Variants in ATOSA observed in about 807,000 individuals in gnomAD.
ATOSA encodes atos homolog A, also known as atos homolog protein A.
the ATOSA span, among the ~76,000 whole-genome samples, chr15:52,653,466 C>G: frequency 6.6e-6 from 1 of 152,094 alleles, no homozygotes; most frequent in African/African-American, 2.4e-5. Context: ...AGAGGGAGAG[C>G]TGCTAAGCCC....
the ATOSA span, among the ~76,000 whole-genome samples, chr15:52,663,168 C>T: frequency 9.9e-5 from 15 of 152,142 alleles, no homozygotes; most frequent in African/African-American, 3.6e-4. Context: ...TCCCTCTGAT[C>T]AGAATGTCCT....
chr15:52,648,482 TTCTTC>T, the ATOSA span, among the ~76,000 whole-genome samples: 1 of 152,286 alleles, frequency 6.6e-6, no homozygotes, highest in Middle Eastern at 3.4e-3. Context: ...AACATTACAA[TTCTTC>T]TCTTCTAGGT....
At chr15:52,691,304 C>G in the ATOSA span, among the ~76,000 whole-genome samples, 4 of 152,154 alleles carry the variant, frequency 2.6e-5, no homozygotes, top group Non-Finnish European at 5.9e-5. Flanking sequence ...TCATTGGTTG[C>G]TATAGTACTG....
chr15:52,618,218 T>C, the ATOSA span, among the ~76,000 whole-genome samples: 1 of 152,116 alleles, frequency 6.6e-6, no homozygotes, highest in Non-Finnish European at 1.5e-5. Flanking sequence ...TTTTTGTATT[T>C]TTAGTAGAGA....
chr15:52,592,825 T>C, the ATOSA span, among the ~76,000 whole-genome samples: 3 of 152,148 alleles, frequency 2.0e-5, no homozygotes, highest in African/African-American at 7.2e-5. Context: ...GACATTAGCG[T>C]GAGTCTGAAG....
At chr15:52,608,049 T>TTTTA in the ATOSA span, among the ~76,000 whole-genome samples, 1 of 152,158 alleles carries the variant, frequency 6.6e-6, no homozygotes, top group East Asian at 1.9e-4. Flanking sequence ...CCTGGCCAAT[T>TTTTA]TTTATTTATT....
At chr15:52,603,455 G>GATA in the ATOSA span, among the ~76,000 whole-genome samples, 1 of 152,064 alleles carries the variant, frequency 6.6e-6, no homozygotes, top group African/African-American at 2.4e-5. Context: ...ACTACTATAT[G>GATA]ACCCAGCAAT....
At chr15:52,587,243 G>A in the ATOSA span, 22 of 1,602,486 alleles carry the variant, frequency 1.4e-5, no homozygotes, top group African/African-American at 2.8e-4. Flanking sequence ...AAGACAAATT[G>A]AGTACAAACT....
chr15:52,628,784 T>G, the ATOSA span, among the ~76,000 whole-genome samples: 1 of 151,934 alleles, frequency 6.6e-6, no homozygotes, highest in African/African-American at 2.4e-5. Flanking sequence ...TGAAGTGCCA[T>G]GAAAGTATAA....
At chr15:52,675,222 T>A in the ATOSA span, among the ~76,000 whole-genome samples, 1 of 152,212 alleles carries the variant, frequency 6.6e-6, no homozygotes, top group Non-Finnish European at 1.5e-5. Flanking sequence ...GTGAAATCTA[T>A]CATGCTATAC....
the ATOSA span, chr15:52,658,569 G>A: frequency 3.1e-6 from 1 of 326,132 alleles, no homozygotes. Context: ...CACTTAATGG[G>A]AATAAATTTT....
At chr15:52,587,150 C>T in the ATOSA span, 1 of 1,613,370 alleles carries the variant, frequency 6.2e-7, no homozygotes, top group Non-Finnish European at 8.5e-7. Flanking sequence ...AAAACACATA[C>T]CACTTGTATT....
chr15:52,699,559 G>A, the ATOSA span, among the ~76,000 whole-genome samples: 2 of 150,966 alleles, frequency 1.3e-5, no homozygotes. Context: ...TCACCCTCCC[G>A]TTTCACTCTC....
the ATOSA span, among the ~76,000 whole-genome samples, chr15:52,706,942 G>A: frequency 2.6e-5 from 4 of 152,170 alleles, no homozygotes; most frequent in Non-Finnish European, 4.4e-5. Flanking sequence ...TTTCTGGGGT[G>A]CTGAAATGTC....
chr15:52,647,332 A>T, the ATOSA span, among the ~76,000 whole-genome samples: 4 of 152,200 alleles, frequency 2.6e-5, no homozygotes, highest in African/African-American at 9.6e-5. Flanking sequence ...AAAATAACAT[A>T]TGTCAGCTCA....
chr15:52,586,224 A>G, the ATOSA span: 1 of 152,136 alleles, frequency 6.6e-6, no homozygotes, highest in African/African-American at 2.4e-5. Flanking sequence ...TCCTCCTCAA[A>G]CTTATATAAA....
chr15:52,645,429 G>C, the ATOSA span, among the ~76,000 whole-genome samples: 1 of 150,242 alleles, frequency 6.7e-6, no homozygotes, highest in South Asian at 2.1e-4. Flanking sequence ...GGGCGACAAA[G>C]CAAGACTCCA....
the ATOSA span, among the ~76,000 whole-genome samples, chr15:52,597,245 A>AT: frequency 1.9e-5 from 1 of 51,804 alleles, no homozygotes; most frequent in African/African-American, 6.2e-5. Flanking sequence ...ATTCTATTCT[A>AT]TTCTCTATTC....
the ATOSA span, chr15:52,601,261 C>A: frequency 1.4e-6 from 1 of 729,864 alleles, no homozygotes; most frequent in South Asian, 1.9e-5. Flanking sequence ...TTAAGCATAT[C>A]TTTGAAATAT....
Sources: allele counts gnomAD v4.1 joint callset (sites outside exome capture counted in the v4.1 genomes callset), GRCh38; gene constraint gnomAD v4.1.1; transcripts MANE v1.5; gene names NCBI Gene and HGNC (gene_info 2026-07-23, HGNC 2026-07-21).